Variants in TLE1 observed in about 807,000 individuals in gnomAD.
TLE1 encodes transducin-like enhancer protein 1.
TLE1 carries 21 observed loss-of-function variants against 89.8 expected under a neutral mutation model. The observed-to-expected ratio is 0.23, with a 90% CI of 0.17 to 0.34. TLE1 has a LOEUF of 0.34. Among genes scored for constraint, TLE1 ranks in the 10% least tolerant of loss-of-function variants. The probability of loss-of-function intolerance (pLI) is 1.00; values close to 1 mark genes in which losing one functional copy is unlikely to be tolerated. For missense variants in TLE1, 795 were observed against 1,031.2 expected (o/e 0.77, Z 3.14); for synonymous variants, 447 against 407.6 (o/e 1.10, Z -1.16).
intron 4 of TLE1, among the ~76,000 whole-genome samples, chr9:81,657,685 G>C (rs937351490): frequency 2.0e-5 from 3 of 152,072 alleles, no homozygotes; most frequent in African/African-American, 7.2e-5. Context: ...TGAGGGATTG[G>C]TTCAGAATCC....
In TLE1 at chr9:81,653,970, T is replaced by C; in HGVS notation, c.297+4A>G. On this transcript the variant is annotated splice_donor_region_variant and intron_variant, in intron 5 of 19. Coordinates refer to ENST00000376499, the MANE Select transcript of TLE1 (RefSeq NM_005077.5). ...CACTTTAACAGCTGAACAATTTTAC[T>C]TACTTCCTGAGACAGAAATGGGATG... 1 of 1,613,826 alleles carries C rather than the reference T, an allele frequency of 6.2e-7. No homozygotes were observed. The highest frequency in any genetic ancestry group is 8.5e-7 in the Non-Finnish European group (1 of 1,179,856).
intron 11 of TLE1, among the ~76,000 whole-genome samples, chr9:81,614,593 G>A (rs958057865): frequency 6.6e-6 from 1 of 152,188 alleles, no homozygotes; most frequent in Non-Finnish European, 1.5e-5. Context: ...GTGTAGCCTT[G>A]TTAAGTTATT....
chr9:81,682,931 G>A (rs939139619), intron 4 of TLE1, among the ~76,000 whole-genome samples: 1 of 152,188 alleles, frequency 6.6e-6, no homozygotes, highest in African/African-American at 2.4e-5. Context: ...CGCCACAAAC[G>A]GGAGCAGAGA....
intron 4 of TLE1, among the ~76,000 whole-genome samples, chr9:81,681,171 C>CAAAG (rs1017448087): frequency 2.6e-5 from 4 of 152,170 alleles, no homozygotes; most frequent in Non-Finnish European, 5.9e-5. Context: ...TCACATGGAG[C>CAAAG]TCTTTCCCTT....
At chr9:81,597,170 G>T (rs1384563687) in intron 14 of TLE1, among the ~76,000 whole-genome samples, 4 of 152,068 alleles carry the variant, frequency 2.6e-5, no homozygotes, top group Non-Finnish European at 4.4e-5. Flanking sequence ...AGGTCGCAGG[G>T]GTTGCTGTAA....
At chr9:81,662,351 T>C (rs74697566) in intron 4 of TLE1, among the ~76,000 whole-genome samples, 3,660 of 142,434 alleles carry the variant, frequency 0.026, 143 homozygotes, top group African/African-American at 0.089. Context: ...TTAGTATTAG[T>C]GTGCCTGTTT....
intron 13 of TLE1, 50 bp downstream of exon 13, chr9:81,611,719 G>A (rs764007714): frequency 7.1e-7 from 1 of 1,413,144 alleles, no homozygotes; most frequent in Non-Finnish European, 9.2e-7. Flanking sequence ...GCGCTCAATG[G>A]AGCATGCAGC....
rs1287317325 is a variant in TLE1, at chr9:81,634,308, G to T, written c.373-7C>A. ...GAGCTTGCAACTGCTGCTGCTGTTG[G>T]TGGTGGTGGTGAGAGAGAAAAAGGA... On this transcript the variant is annotated splice_polypyrimidine_tract_variant and splice_region_variant and intron_variant, in intron 6 of 19. Coordinates refer to ENST00000376499, the MANE Select transcript of TLE1 (RefSeq NM_005077.5). 1 of 1,487,196 alleles carries T rather than the reference G, an allele frequency of 6.7e-7. No homozygotes were observed. The allele number at this position is 1,487,196 out of a possible 1,614,324, so 92.1% of individuals were successfully genotyped here.
intron 2 of TLE1, among the ~76,000 whole-genome samples, chr9:81,686,599 TAC>T (rs1386553845): frequency 2.0e-5 from 3 of 152,192 alleles, no homozygotes; most frequent in African/African-American, 7.2e-5. Flanking sequence ...AAAATGTCAA[TAC>T]AGTTATTTCT....
chr9:81,590,059 G>A (rs1318296195), intron 16 of TLE1, among the ~76,000 whole-genome samples: 1 of 152,222 alleles, frequency 6.6e-6, no homozygotes, highest in Non-Finnish European at 1.5e-5. Context: ...ACCATCCGCA[G>A]GGACGGCTTC....
At chr9:81,620,129 G>A (rs1825042387) in intron 9 of TLE1, among the ~76,000 whole-genome samples, 1 of 151,514 alleles carries the variant, frequency 6.6e-6, no homozygotes, top group Admixed American at 6.6e-5. Context: ...TTACACCAAG[G>A]GAGGCGGGGG....
In TLE1 at chr9:81,587,831, G is replaced by A; in HGVS notation, c.1830-3C>T. The A allele has an allele frequency of 6.2e-7, 1 of 1,613,336 alleles. No homozygotes were observed. The highest frequency in any genetic ancestry group is 8.5e-7 in the Non-Finnish European group (1 of 1,179,788). On this transcript the variant is annotated splice_region_variant and splice_polypyrimidine_tract_variant and intron_variant, in intron 16 of 19. Transcript: ENST00000376499. The stretch of plus-strand genomic sequence containing the variant: ...CGTCTGTGTGGCCCTGGAATTGCCT[G>A]ATAAAACAAACCAGATTGAATAATG...
intron 4 of TLE1, among the ~76,000 whole-genome samples, chr9:81,665,398 G>C (rs1287016068): frequency 6.6e-6 from 1 of 151,994 alleles, no homozygotes; most frequent in African/African-American, 2.4e-5. Context: ...CTCCTCACTT[G>C]GCAGCTCCTG....
chr9:81,626,379 C>T (rs138531622), intron 8 of TLE1, among the ~76,000 whole-genome samples: 1 of 152,288 alleles, frequency 6.6e-6, no homozygotes, highest in East Asian at 1.9e-4. Context: ...TCTCCATCTA[C>T]ACCTGGTGTC....
chr9:81,594,380 C>A (rs374256951), intron 14 of TLE1, among the ~76,000 whole-genome samples: 27 of 152,174 alleles, frequency 1.8e-4, no homozygotes, highest in African/African-American at 6.0e-4. Flanking sequence ...ATGTCCCTTG[C>A]AGGGACATGG....
chr9:81,683,369 C>T (rs532164558), intron 4 of TLE1, among the ~76,000 whole-genome samples: 1 of 152,024 alleles, frequency 6.6e-6, no homozygotes, highest in Non-Finnish European at 1.5e-5. Flanking sequence ...CCAGTTTCCC[C>T]CTAGAGAGAA....
intron 1 of TLE1, 88 bp from the exon 2 acceptor site, chr9:81,687,522 A>C: frequency 1.0e-6 from 1 of 968,702 alleles, no homozygotes; most frequent in Non-Finnish European, 1.6e-6. Context: ...AACGGGTGGG[A>C]CATAAACATA....
chr9:81,609,004 A>T (rs1823352558), intron 14 of TLE1, among the ~76,000 whole-genome samples: 1 of 152,114 alleles, frequency 6.6e-6, no homozygotes, highest in Admixed American at 6.6e-5. Flanking sequence ...ATTTGCAAAG[A>T]TCTGCTGCCT....
chr9:81,685,623 T>TA, intron 4 of TLE1, 53 bp downstream of exon 4: 1 of 1,583,556 alleles, frequency 6.3e-7, no homozygotes, highest in Non-Finnish European at 8.6e-7. Context: ...CCAGTATTAT[T>TA]AAATCATATG....
Sources: allele counts gnomAD v4.1 joint callset (sites outside exome capture counted in the v4.1 genomes callset), GRCh38; gene constraint gnomAD v4.1.1; transcripts MANE v1.5; gene names NCBI Gene and HGNC (gene_info 2026-07-23, HGNC 2026-07-21).